Variants in PLCB1 observed in about 807,000 individuals in gnomAD.
PLCB1 encodes the protein 1-phosphatidylinositol 4,5-bisphosphate phosphodiesterase beta-1.
Under a neutral mutation model 161.8 loss-of-function variants are expected in PLCB1, and 46 were observed. The observed-to-expected ratio is 0.28, with a 90% CI of 0.22 to 0.36. The LOEUF is 0.36. PLCB1 is among the 10% of genes least tolerant of loss of function. PLCB1 has a pLI of 1.00. For synonymous variants in PLCB1, 517 were observed against 503.7 expected, an observed-to-expected ratio of 1.03 and a Z score of -0.35; for missense variants, 1,016 against 1,472.5, an observed-to-expected ratio of 0.69 and a Z score of 5.07.
At chr20:8,143,594 A>C (rs1319710533) in intron 1 of PLCB1, among the ~76,000 whole-genome samples, 1 of 152,254 alleles carries the variant, frequency 6.6e-6, no homozygotes, top group East Asian at 1.9e-4. Flanking sequence ...TATAGGAAGC[A>C]TGGAAGGTTT....
intron 3 of PLCB1, among the ~76,000 whole-genome samples, chr20:8,548,048 G>A (rs1600144908): frequency 1.3e-5 from 2 of 151,622 alleles, no homozygotes; most frequent in East Asian, 1.9e-4. Context: ...CACACTCCTG[G>A]TCCAGGGACC....
At chr20:8,215,452 G>A (rs978740795) in intron 2 of PLCB1, among the ~76,000 whole-genome samples, 6 of 152,132 alleles carry the variant, frequency 3.9e-5, no homozygotes, top group African/African-American at 1.4e-4. Context: ...GGACAGCTTT[G>A]AATTGCAGCC....
At chr20:8,429,263 AT>A (rs1219064154) in intron 3 of PLCB1, among the ~76,000 whole-genome samples, 1 of 152,204 alleles carries the variant, frequency 6.6e-6, no homozygotes, top group Non-Finnish European at 1.5e-5. Context: ...ATGGACTTAG[AT>A]TTTTTTAAAC....
chr20:8,410,184 T>C (rs1004371687), intron 3 of PLCB1, among the ~76,000 whole-genome samples: 1 of 152,184 alleles, frequency 6.6e-6, no homozygotes, highest in Non-Finnish European at 1.5e-5. Context: ...CAAATGTATT[T>C]ATCCATTATA....
intron 3 of PLCB1, among the ~76,000 whole-genome samples, chr20:8,395,503 A>G (rs1214549459): frequency 6.6e-6 from 1 of 152,118 alleles, no homozygotes; most frequent in East Asian, 1.9e-4. Flanking sequence ...ACAATTTTAA[A>G]GTCAATAATG....
At chr20:8,802,428 C>G in intron 31 of PLCB1, 1 of 402,878 alleles carries the variant, frequency 2.5e-6, no homozygotes, top group Non-Finnish European at 4.3e-6. Context: ...TCTTCTTCCT[C>G]TTTCTCCATT....
In PLCB1 at chr20:8,708,731, C is replaced by A; in HGVS notation, c.1229C>A (p.Ser410Ter). 1.2e-6 allele frequency: 2 copies of A among 1,611,620 alleles called. No homozygotes were observed. Among genetic ancestry groups the A allele is most frequent in the Non-Finnish European group, 1.7e-6 (2 of 1,177,858 alleles). The change falls in exon 12 of 32, where the codon TCG (serine) becomes TAG (stop). Residue 410 changes from serine (S) to a stop codon, truncating the protein, a stop_gained. Coordinates refer to ENST00000338037, the MANE Select transcript of PLCB1 (RefSeq NM_015192.4). LOFTEE classifies it high-confidence loss of function. ...ACTTCACCTTTTCCAATTCTCCTTTCGTTTGAGAACCATGTGGATTCGTAA... is the reference window on the plus strand; with the variant it reads ...ACTTCACCTTTTCCAATTCTCCTTTAGTTTGAGAACCATGTGGATTCGTAA... ...FKTSPFPILL[S>*]FENHVDSPKQ...
intron 2 of PLCB1, among the ~76,000 whole-genome samples, chr20:8,189,762 C>T (rs1001245606): frequency 4.6e-5 from 7 of 152,044 alleles, no homozygotes; most frequent in Non-Finnish European, 7.4e-5. Flanking sequence ...ATTCATCCAA[C>T]AAATGTATAT....
At chr20:8,253,905 G>A (rs1262425658) in intron 2 of PLCB1, among the ~76,000 whole-genome samples, 2 of 151,906 alleles carry the variant, frequency 1.3e-5, no homozygotes, top group Non-Finnish European at 2.9e-5. Context: ...ATTTGCTCAA[G>A]ATAATGGCCT....
chr20:8,804,975 T>C (rs374152481), intron 31 of PLCB1, among the ~76,000 whole-genome samples: 2 of 117,698 alleles, frequency 1.7e-5, no homozygotes, highest in East Asian at 4.8e-4. Flanking sequence ...CACTCCAGCC[T>C]GGGCAACAAG....
At chr20:8,768,990 A>G (rs1157838221) in intron 26 of PLCB1, among the ~76,000 whole-genome samples, 1 of 151,012 alleles carries the variant, frequency 6.6e-6, no homozygotes, top group Non-Finnish European at 1.5e-5. Context: ...ACAATAAATA[A>G]TGTTTTGCAA....
At chr20:8,226,770 C>T (rs1319452798) in intron 2 of PLCB1, among the ~76,000 whole-genome samples, 1 of 151,898 alleles carries the variant, frequency 6.6e-6, no homozygotes, top group African/African-American at 2.4e-5. Flanking sequence ...TCACTGCAAC[C>T]TCCACCCTCT....
At chr20:8,503,203 G>A (rs1983498077) in intron 3 of PLCB1, among the ~76,000 whole-genome samples, 1 of 152,160 alleles carries the variant, frequency 6.6e-6, no homozygotes. Context: ...CTTTCTAAAT[G>A]CCAATCTGGT....
At chr20:8,333,998 T>C (rs1985466195) in intron 2 of PLCB1, among the ~76,000 whole-genome samples, 1 of 152,102 alleles carries the variant, frequency 6.6e-6, no homozygotes, top group Non-Finnish European at 1.5e-5. Flanking sequence ...TCACCTGAGG[T>C]CGGGAGTTTG....
At chr20:8,162,905 C>A (rs1222582161) in intron 2 of PLCB1, among the ~76,000 whole-genome samples, 1 of 152,190 alleles carries the variant, frequency 6.6e-6, no homozygotes, top group African/African-American at 2.4e-5. Context: ...AATATTGAGA[C>A]ATTAACATAT....
At chr20:8,298,285 A>T (rs749259733) in intron 2 of PLCB1, among the ~76,000 whole-genome samples, 1 of 138,502 alleles carries the variant, frequency 7.2e-6, no homozygotes, top group Non-Finnish European at 1.5e-5. Context: ...ACAGAGCAAG[A>T]CTATGTCTCA....
chr20:8,824,951 T>C (rs566034411), intron 31 of PLCB1, among the ~76,000 whole-genome samples: 25 of 152,268 alleles, frequency 1.6e-4, no homozygotes, highest in South Asian at 4.2e-4. Context: ...GGGTCAACAC[T>C]GGCCACAGAG....
chr20:8,707,900 A>T (rs1394976377), intron 11 of PLCB1, among the ~76,000 whole-genome samples: 1 of 152,212 alleles, frequency 6.6e-6, no homozygotes, highest in African/African-American at 2.4e-5. Context: ...AACCATGCTA[A>T]GTGAAAGGTG....
At chr20:8,447,799 G>A (rs1980902478) in intron 3 of PLCB1, among the ~76,000 whole-genome samples, 1 of 152,190 alleles carries the variant, frequency 6.6e-6, no homozygotes, top group African/African-American at 2.4e-5. Flanking sequence ...AGGAACTCCT[G>A]CAATAAGGGC....
Sources: gnomAD v4.1 joint callset for allele counts (sites outside exome capture counted in the v4.1 genomes callset) on GRCh38, gnomAD v4.1.1 for gene constraint, MANE v1.5 for transcripts, NCBI Gene and HGNC (gene_info 2026-07-23, HGNC 2026-07-21) for gene names.